Variants in DCDC1 observed in about 807,000 individuals in gnomAD.
DCDC1 encodes the protein doublecortin domain-containing protein 1.
DCDC1 carries 200 observed loss-of-function variants against 178.3 expected under a neutral mutation model. That is an observed-to-expected ratio of 1.12 (90% CI 1.00 to 1.26). DCDC1 has a LOEUF of 1.26. DCDC1 is among the 50% of genes most tolerant of loss of function. The probability of loss-of-function intolerance (pLI) is 0.00; values close to 1 mark genes in which losing one functional copy is unlikely to be tolerated. For synonymous variants in DCDC1, 690 were observed against 604.8 expected, an observed-to-expected ratio of 1.14 and a Z score of -2.07; for missense variants, 1,983 against 1,749.2, an observed-to-expected ratio of 1.13 and a Z score of -2.38.
intron 20 of DCDC1, among the ~76,000 whole-genome samples, chr11:30,963,233 T>C (rs990334175): frequency 6.6e-6 from 1 of 152,144 alleles, no homozygotes; most frequent in Non-Finnish European, 1.5e-5. Flanking sequence ...TCTTTTGATA[T>C]TATATAACTC....
intron 18 of DCDC1, among the ~76,000 whole-genome samples, chr11:31,072,514 G>A (rs1295666493): frequency 1.3e-5 from 2 of 152,020 alleles, no homozygotes; most frequent in Non-Finnish European, 2.9e-5. Flanking sequence ...ATGTACTTAT[G>A]AAGATGTACT....
intron 9 of DCDC1, among the ~76,000 whole-genome samples, chr11:31,213,100 C>CCTCTCTCTTTCTCTCTCTCTCCTCT (rs1565441644): frequency 1.4e-4 from 6 of 44,274 alleles, no homozygotes; most frequent in East Asian, 7.6e-4. Flanking sequence ...TAAAGCCCAG[C>CCTCTCTCTTTCTCTCTCTCTCCTCT]CTCTCTCTCT....
rs200541898 is a variant in DCDC1, at chr11:30,876,933, A to AG, written c.*40+1610_*40+1611insC. Among the ~76,000 whole-genome samples, 817 of 149,776 alleles carry AG rather than the reference A, an allele frequency of 5.5e-3. 2 individuals carry two copies. Among genetic ancestry groups the AG allele is most frequent in the African/African-American group, 0.019 (780 of 40,994 alleles). ...CTTCTTGTTTTGACTTTCTTGCTTA[A>AG]AAAAAAAAAGAAAAGGCAAAACAGA... On this transcript the variant is annotated intron_variant, in intron 38 of 38. Coordinates refer to ENST00000684477, the MANE Select transcript of DCDC1 (RefSeq NM_001387274.1).
intron 9 of DCDC1, among the ~76,000 whole-genome samples, chr11:31,152,947 C>T (rs1401537129): frequency 6.6e-6 from 1 of 152,206 alleles, no homozygotes; most frequent in African/African-American, 2.4e-5. Flanking sequence ...TTTCTTTCTC[C>T]ATCCAGTGGC....
chr11:31,321,606 A>ACC (rs1232332335), intron 3 of DCDC1, among the ~76,000 whole-genome samples: 1 of 151,788 alleles, frequency 6.6e-6, no homozygotes, highest in Non-Finnish European at 1.5e-5. Context: ...TGCAGAAATC[A>ACC]CCCGTCTTCT....
chr11:31,299,665 G>A (rs1337127474), intron 6 of DCDC1, among the ~76,000 whole-genome samples: 1 of 152,142 alleles, frequency 6.6e-6, no homozygotes, highest in Non-Finnish European at 1.5e-5. Flanking sequence ...AAATACCTTT[G>A]TTAGTAAAGT....
intron 8 of DCDC1, among the ~76,000 whole-genome samples, chr11:31,264,451 A>AAGAG (rs992927307): frequency 6.6e-6 from 1 of 151,930 alleles, no homozygotes; most frequent in African/African-American, 2.4e-5. Context: ...GGGAGGCAGA[A>AAGAG]AGAGAGAGAG....
At chr11:31,276,393 G>C (rs1002154261) in intron 7 of DCDC1, among the ~76,000 whole-genome samples, 3 of 151,998 alleles carry the variant, frequency 2.0e-5, no homozygotes, top group Non-Finnish European at 4.4e-5. Context: ...CTTCACCTTT[G>C]GCAATTAATT....
chr11:31,197,258 T>C (rs1970800487), intron 9 of DCDC1, among the ~76,000 whole-genome samples: 1 of 152,126 alleles, frequency 6.6e-6, no homozygotes, highest in African/African-American at 2.4e-5. Flanking sequence ...CCATAAAATA[T>C]ACTTCCTTAT....
In DCDC1 at chr11:31,231,976, T is replaced by C. The variant is rs1304137837; in HGVS notation, c.1221+9474A>G. Among the ~76,000 whole-genome samples, 4 of 152,228 alleles carry C rather than the reference T, an allele frequency of 2.6e-5. No individual in the cohort carries two copies. In the East Asian group the frequency reaches 5.8e-4, roughly 22 times the overall value. On this transcript the variant is annotated intron_variant, in intron 9 of 38. Transcript: ENST00000684477. Reference sequence around the variant, plus strand: ...CATATGCTTTCCAAACTCAATGACTTGCTTTCCCCATCCACACTATCCAAC... The same window carrying C: ...CATATGCTTTCCAAACTCAATGACTCGCTTTCCCCATCCACACTATCCAAC...
chr11:31,055,847 G>C (rs749793507), intron 20 of DCDC1, among the ~76,000 whole-genome samples: 55 of 152,248 alleles, frequency 3.6e-4, no homozygotes, highest in Non-Finnish European at 5.7e-4. Flanking sequence ...TGGGTACTTG[G>C]GGGGAAGGAT....
chr11:31,057,952 A>T (rs1955694232), intron 20 of DCDC1, among the ~76,000 whole-genome samples: 1 of 152,238 alleles, frequency 6.6e-6, no homozygotes, highest in South Asian at 2.1e-4. Flanking sequence ...CTTCCCTGTT[A>T]GATTCTGTGG....
intron 20 of DCDC1, among the ~76,000 whole-genome samples, chr11:31,049,616 C>T (rs1296981115): frequency 6.6e-6 from 1 of 152,104 alleles, no homozygotes; most frequent in East Asian, 1.9e-4. Context: ...CAAGAGGACC[C>T]GCAGACCCTC....
chr11:31,286,454 G>A (rs984026163), intron 7 of DCDC1, among the ~76,000 whole-genome samples: 3 of 151,332 alleles, frequency 2.0e-5, no homozygotes, highest in Non-Finnish European at 4.4e-5. Flanking sequence ...CCAAGAAATT[G>A]GGCAAAACAA....
intron 30 of DCDC1, among the ~76,000 whole-genome samples, chr11:30,905,625 T>C (rs372588997): frequency 6.6e-6 from 1 of 152,332 alleles, no homozygotes; most frequent in East Asian, 1.9e-4. Context: ...ACCACTCTTC[T>C]GCTTTCCCTT....
At chr11:31,324,417 A>G (rs1949540231) in intron 3 of DCDC1, among the ~76,000 whole-genome samples, 1 of 152,102 alleles carries the variant, frequency 6.6e-6, no homozygotes, top group African/African-American at 2.4e-5. Flanking sequence ...CAACTTTTCC[A>G]GAAGAAATTT....
chr11:31,047,899 A>G (rs527542107), intron 20 of DCDC1, among the ~76,000 whole-genome samples: 11 of 152,344 alleles, frequency 7.2e-5, no homozygotes, highest in African/African-American at 2.6e-4. Flanking sequence ...TTCTTTAAAG[A>G]CAGGAATTTG....
chr11:31,125,449 C>G (rs2135920409), intron 11 of DCDC1, among the ~76,000 whole-genome samples: 1 of 152,262 alleles, frequency 6.6e-6, no homozygotes, highest in Admixed American at 6.5e-5. Flanking sequence ...GAATATAAAT[C>G]ATTCTCTTAT....
At chr11:31,046,597 G>C (rs1367441269) in intron 20 of DCDC1, among the ~76,000 whole-genome samples, 1 of 139,744 alleles carries the variant, frequency 7.2e-6, no homozygotes, top group Admixed American at 7.4e-5. Context: ...ATCTCAAAGT[G>C]TTCACTGGCC....
Sources: gnomAD v4.1 joint callset for allele counts (sites outside exome capture counted in the v4.1 genomes callset) on GRCh38, gnomAD v4.1.1 for gene constraint, MANE v1.5 for transcripts, NCBI Gene and HGNC (gene_info 2026-07-23, HGNC 2026-07-21) for gene names.